Variants in CTNNA1 observed in about 807,000 individuals in gnomAD.
CTNNA1 encodes the protein catenin alpha-1.
CTNNA1 carries 37 observed loss-of-function variants against 98.4 expected under a neutral mutation model. The observed-to-expected ratio is 0.38, with a 90% CI of 0.29 to 0.49. The LOEUF is 0.49. Among genes scored for constraint, CTNNA1 ranks in the 20% least tolerant of loss-of-function variants. The pLI is 0.95. For missense variants in CTNNA1, 761 were observed against 1,147.2 expected (o/e 0.66, Z 4.86); for synonymous variants, 404 against 413.2 (o/e 0.98, Z 0.27).
At chr5:138,788,094 C>T (rs1312374915) in intron 3 of CTNNA1, among the ~76,000 whole-genome samples, 1 of 152,112 alleles carries the variant, frequency 6.6e-6, no homozygotes, top group Non-Finnish European at 1.5e-5. Context: ...ATCCTGTTTA[C>T]CTCCCGTATC....
chr5:138,885,606 C>A (rs766934141), intron 7 of CTNNA1, among the ~76,000 whole-genome samples: 1 of 152,122 alleles, frequency 6.6e-6, no homozygotes, highest in Non-Finnish European at 1.5e-5. Context: ...GAGTGACTAG[C>A]GGGTTCTTTT....
At chr5:138,776,039 C>CTTTTTT (rs57467422) in intron 1 of CTNNA1, among the ~76,000 whole-genome samples, 239 of 83,828 alleles carry the variant, frequency 2.9e-3, no homozygotes, top group Middle Eastern at 0.012. Flanking sequence ...GGAAATGTTT[C>CTTTTTT]TTTTTTTTTT....
At chr5:138,773,291 A>C (rs1436770261) in intron 1 of CTNNA1, among the ~76,000 whole-genome samples, 2 of 152,248 alleles carry the variant, frequency 1.3e-5, no homozygotes, top group South Asian at 2.1e-4. Context: ...CAGGGTAATA[A>C]GTAATGGAAT....
At chr5:138,878,117 T>G (rs1305878911) in intron 7 of CTNNA1, among the ~76,000 whole-genome samples, 1 of 152,144 alleles carries the variant, frequency 6.6e-6, no homozygotes, top group Non-Finnish European at 1.5e-5. Flanking sequence ...ATCAGTGCAA[T>G]CAAGAGTAAT....
rs1765165528 is a variant in CTNNA1, at chr5:138,930,939, A to G, written c.2298+4A>G. ...TGGCCGCACCATTGCAGACCATGTA[A>G]GTGACAGACTTGCCAGGTGGGTCTC... On this transcript the variant is annotated splice_donor_region_variant and intron_variant, in intron 16 of 17. Coordinates refer to ENST00000302763, the MANE Select transcript of CTNNA1 (RefSeq NM_001903.5). 6.2e-7 allele frequency: 1 copy of G among 1,604,760 alleles called. No homozygotes were observed. The highest frequency in any genetic ancestry group is 8.5e-7 in the Non-Finnish European group (1 of 1,171,570).
intron 13 of CTNNA1, among the ~76,000 whole-genome samples, chr5:138,925,743 A>G (rs939315606): frequency 6.6e-6 from 1 of 152,222 alleles, no homozygotes; most frequent in Non-Finnish European, 1.5e-5. Context: ...AAGTATTTTC[A>G]TAATGCGGAT....
At chr5:138,924,417 C>A in intron 11 of CTNNA1, 93 bp from the exon 12 acceptor site, 1 of 1,290,162 alleles carries the variant, frequency 7.8e-7, no homozygotes, top group Non-Finnish European at 1.1e-6. Context: ...GTGGCTGGCA[C>A]CAAGCAAACA....
intron 10 of CTNNA1, 97 bp from the exon 11 acceptor site, chr5:138,917,645 A>G: frequency 1.6e-6 from 2 of 1,237,306 alleles, no homozygotes; most frequent in Middle Eastern, 2.8e-4. Context: ...GATAGTTAGG[A>G]TAGAGCATGT....
intron 7 of CTNNA1, among the ~76,000 whole-genome samples, chr5:138,866,401 A>G (rs1056692819): frequency 7.9e-5 from 12 of 151,764 alleles, no homozygotes; most frequent in Non-Finnish European, 1.6e-4. Context: ...TATTCAGTAA[A>G]CTTAATGTTT....
intron 3 of CTNNA1, among the ~76,000 whole-genome samples, chr5:138,783,999 A>C (rs774128341): frequency 1.1e-4 from 16 of 152,236 alleles, no homozygotes; most frequent in Non-Finnish European, 2.1e-4. Context: ...TAATGCTAGA[A>C]AAATTGTCCT....
intron 9 of CTNNA1, among the ~76,000 whole-genome samples, chr5:138,896,557 G>A (rs958123685): frequency 5.9e-5 from 9 of 152,182 alleles, no homozygotes; most frequent in Admixed American, 5.9e-4. Flanking sequence ...TGTGAAGGGT[G>A]CATAGATGTT....
intron 1 of CTNNA1, among the ~76,000 whole-genome samples, chr5:138,756,765 TTTTTAAG>T (rs1163198727): frequency 6.6e-6 from 1 of 152,182 alleles, no homozygotes; most frequent in East Asian, 1.9e-4. Flanking sequence ...TTTGATTTCC[TTTTTAAG>T]ACTCCTGCTA....
chr5:138,874,977 A>C lies in CTNNA1; in HGVS notation c.1063-11235A>C, dbSNP rs754426028. ...TAGACTCAACGCAGTGAGTCTGTAAAAGGCTCTAACATGTAGGAGCCTTTG... is the reference window on the plus strand; with the variant it reads ...TAGACTCAACGCAGTGAGTCTGTAACAGGCTCTAACATGTAGGAGCCTTTG... On this transcript the variant is annotated intron_variant, in intron 7 of 17. Transcript: ENST00000302763. The surrounding 1 kb of genome is among the most constrained non-coding windows in gnomAD (Gnocchi z 4.1). 2 of 1,580,722 alleles carry C rather than the reference A, an allele frequency of 1.3e-6. No individual in the cohort carries two copies. Among genetic ancestry groups the C allele is most frequent in the Non-Finnish European group, 8.7e-7 (1 of 1,152,320 alleles).
intron 10 of CTNNA1, among the ~76,000 whole-genome samples, chr5:138,907,598 T>C (rs1323649542): frequency 3.3e-5 from 5 of 152,200 alleles, no homozygotes; most frequent in Non-Finnish European, 7.4e-5. Flanking sequence ...CCACGGATCC[T>C]GATTTTGAGG....
chr5:138,792,137 T>A (rs1339524307), intron 3 of CTNNA1, among the ~76,000 whole-genome samples: 2 of 152,224 alleles, frequency 1.3e-5, no homozygotes, highest in African/African-American at 4.8e-5. Context: ...AGGACATAGA[T>A]GCCATCTTCC....
intron 11 of CTNNA1, among the ~76,000 whole-genome samples, chr5:138,919,071 A>C (rs1282106958): frequency 1.3e-5 from 2 of 152,180 alleles, no homozygotes; most frequent in African/African-American, 4.8e-5. Context: ...TAGGGGGTAA[A>C]CCATGTTGCT....
chr5:138,865,573 C>T (rs1307693931), intron 7 of CTNNA1, among the ~76,000 whole-genome samples: 2 of 152,122 alleles, frequency 1.3e-5, no homozygotes, highest in Non-Finnish European at 2.9e-5. Flanking sequence ...TTTTGGCCAC[C>T]AGGAAGATCA....
intron 5 of CTNNA1, among the ~76,000 whole-genome samples, chr5:138,821,782 T>C (rs1003834924): frequency 2.0e-5 from 3 of 152,356 alleles, no homozygotes; most frequent in South Asian, 4.1e-4. Context: ...TTGGGGATTA[T>C]GAAAGCTAAA....
chr5:138,901,942 T>C (rs1255268391), intron 9 of CTNNA1, among the ~76,000 whole-genome samples: 2 of 152,180 alleles, frequency 1.3e-5, no homozygotes, highest in Non-Finnish European at 2.9e-5. Context: ...GCCCTGTCCC[T>C]GGGGGGTGAA....
Sources: allele counts gnomAD v4.1 joint callset (sites outside exome capture counted in the v4.1 genomes callset), GRCh38; gene constraint gnomAD v4.1.1; non-coding constraint Gnocchi (gnomAD v3.1); transcripts MANE v1.5; gene names NCBI Gene and HGNC (gene_info 2026-07-23, HGNC 2026-07-21).